Variants in CRISP2 observed in about 807,000 individuals in gnomAD.
CRISP2 encodes cysteine-rich secretory protein 2.
In CRISP2, 29 loss-of-function variants were observed where a neutral mutation model predicts 31.7. The observed-to-expected ratio is 0.92, with a 90% CI of 0.68 to 1.25. CRISP2 has a LOEUF of 1.25. CRISP2 is among the 50% of genes most tolerant of loss of function. The probability of loss-of-function intolerance (pLI) is 0.00; values close to 1 mark genes in which losing one functional copy is unlikely to be tolerated. For synonymous variants in CRISP2, 111 were observed against 101.4 expected (o/e 1.09, Z -0.57); for missense variants, 318 against 286.5 (o/e 1.11, Z -0.79).
the CRISP2 span, among the ~76,000 whole-genome samples, chr6:49,681,451 T>C: frequency 6.6e-6 from 1 of 152,174 alleles, no homozygotes; most frequent in Non-Finnish European, 1.5e-5. Context: ...TAGATTAAGA[T>C]ATCCATAATA....
chr6:49,685,468 C>T, the CRISP2 span, among the ~76,000 whole-genome samples: 12 of 152,260 alleles, frequency 7.9e-5, no homozygotes, highest in South Asian at 6.2e-4. Flanking sequence ...AAATTCATAC[C>T]GATACCACCA....
intron 9 of CRISP2, among the ~76,000 whole-genome samples, chr6:49,693,672 T>C (rs906433166): frequency 1.3e-5 from 2 of 152,222 alleles, no homozygotes; most frequent in East Asian, 1.9e-4. Flanking sequence ...CTTTTTCATA[T>C]AGCCTGTCTT....
chr6:49,712,029 T>C (rs1768102238), intron 2 of CRISP2, among the ~76,000 whole-genome samples: 1 of 152,232 alleles, frequency 6.6e-6, no homozygotes, highest in African/African-American at 2.4e-5. Flanking sequence ...AATTACTAAG[T>C]GTTTAAGAGA....
At chr6:49,702,183 A>AAAT (rs1766189629) in intron 4 of CRISP2, among the ~76,000 whole-genome samples, 1 of 116,032 alleles carries the variant, frequency 8.6e-6, no homozygotes, top group African/African-American at 3.2e-5. Context: ...ATATATATAT[A>AAAT]ACATTTTCTT....
chr6:49,694,221 G>A (rs1475201260), intron 9 of CRISP2, among the ~76,000 whole-genome samples: 1 of 152,198 alleles, frequency 6.6e-6, no homozygotes, highest in African/African-American at 2.4e-5. Flanking sequence ...GGATGCCACA[G>A]CTGGCACTGT....
Position 49,698,415 on chromosome 6 carries a change from C to G in CRISP2, c.364G>C (p.Val122Leu). 4 of 1,613,468 alleles carry G rather than the reference C, an allele frequency of 2.5e-6. No homozygotes were observed. Among genetic ancestry groups the G allele is most frequent in the Non-Finnish European group, 3.4e-6 (4 of 1,179,640 alleles). ...QSWYDEILDFVYGVGPKSPNA... is the reference protein window; with the variant it reads ...QSWYDEILDFLYGVGPKSPNA... ...GGACTCTTTGGTCCTACACCATAGA[C>G]AAAATCTAGGATCTCGTCATACCAG... The change falls in exon 7 of 10, where the codon GTC becomes CTC. Residue 122 changes from valine (V) to leucine (L), a missense_variant. Transcript: ENST00000339139.
chr6:49,682,583 TTCTTTTTCTTTCTTTCTTTC>T, the CRISP2 span, among the ~76,000 whole-genome samples: 4 of 83,642 alleles, frequency 4.8e-5, no homozygotes, highest in African/African-American at 2.0e-4. Context: ...TTTTCTTTCT[TTCTTTTTCTTTCTTTCTTTC>T]TTTCTTTCTT....
chr6:49,710,578 T>C (rs1369423726), intron 3 of CRISP2, among the ~76,000 whole-genome samples: 1 of 152,210 alleles, frequency 6.6e-6, no homozygotes, highest in Non-Finnish European at 1.5e-5. Context: ...AAATCATTAA[T>C]ATGCCAGCTT....
the CRISP2 span, among the ~76,000 whole-genome samples, chr6:49,677,779 T>G: frequency 6.6e-6 from 1 of 152,204 alleles, no homozygotes; most frequent in South Asian, 2.1e-4. Flanking sequence ...AAACATACAC[T>G]TAAGGAAGTC....
At chr6:49,700,049 C>T (rs1043375194) in intron 5 of CRISP2, among the ~76,000 whole-genome samples, 158 bp from the exon 6 acceptor site, 3 of 152,004 alleles carry the variant, frequency 2.0e-5, no homozygotes, top group Non-Finnish European at 2.9e-5. Flanking sequence ...TCTTCTGGTG[C>T]CAGTTTACAC....
chr6:49,687,986 G>A (rs1247086845), downstream of CRISP2, among the ~76,000 whole-genome samples: 1 of 152,130 alleles, frequency 6.6e-6, no homozygotes, highest in Non-Finnish European at 1.5e-5. Context: ...GTTCACAACT[G>A]GGGAAATACC....
At chr6:49,701,678 GTATACAT>G (rs1384962735) in intron 4 of CRISP2, among the ~76,000 whole-genome samples, 1 of 116,928 alleles carries the variant, frequency 8.6e-6, no homozygotes, top group East Asian at 2.4e-4. Context: ...CATTATATAT[GTATACAT>G]TATATATGTA....
intron 1 of CRISP2, among the ~76,000 whole-genome samples, 166 bp from the exon 2 acceptor site, chr6:49,712,770 C>T (rs1025992840): frequency 6.6e-6 from 1 of 152,160 alleles, no homozygotes. Flanking sequence ...TATTGTCCTT[C>T]TGAGGTCAGA....
chr6:49,689,455 TGATAATAACA>T (rs1435395162), downstream of CRISP2, among the ~76,000 whole-genome samples: 1 of 152,130 alleles, frequency 6.6e-6, no homozygotes, highest in Non-Finnish European at 1.5e-5. Flanking sequence ...GAGTCCTGGA[TGATAATAACA>T]TTGTTTATTA....
the CRISP2 span, among the ~76,000 whole-genome samples, chr6:49,682,764 T>G: frequency 6.9e-6 from 1 of 145,004 alleles, no homozygotes; most frequent in Non-Finnish European, 1.5e-5. Flanking sequence ...TTTCCTTCCT[T>G]CCTCCCTCCC....
At chr6:49,680,326 T>C in the CRISP2 span, among the ~76,000 whole-genome samples, 2 of 152,336 alleles carry the variant, frequency 1.3e-5, no homozygotes, top group South Asian at 2.1e-4. Context: ...GCATAGGACA[T>C]GATCTCATTC....
intron 9 of CRISP2, among the ~76,000 whole-genome samples, chr6:49,694,631 C>A (rs1197143927): frequency 6.6e-6 from 1 of 152,110 alleles, no homozygotes; most frequent in East Asian, 1.9e-4. Flanking sequence ...GTGATGCAGG[C>A]AATCCCATGG....
intron 4 of CRISP2, among the ~76,000 whole-genome samples, chr6:49,703,282 T>TTTTGC (rs1766434733): frequency 6.6e-6 from 1 of 151,882 alleles, no homozygotes; most frequent in South Asian, 2.1e-4. Context: ...TTTTGTTTTG[T>TTTTGC]TTTGCTTTGG....
At chr6:49,681,428 G>C in the CRISP2 span, among the ~76,000 whole-genome samples, 1 of 151,826 alleles carries the variant, frequency 6.6e-6, no homozygotes, top group East Asian at 1.9e-4. Flanking sequence ...ACTAGATTAA[G>C]CATTTTTTCA....
Sources: allele counts gnomAD v4.1 joint callset (sites outside exome capture counted in the v4.1 genomes callset), GRCh38; gene constraint gnomAD v4.1.1; transcripts MANE v1.5; gene names NCBI Gene and HGNC (gene_info 2026-07-23, HGNC 2026-07-21).